Variants in LMNB1 observed in about 807,000 individuals in gnomAD.
LMNB1 encodes lamin-B1.
In LMNB1, 23 loss-of-function variants were observed where a neutral mutation model predicts 67.1. That is an observed-to-expected ratio of 0.34 (90% CI 0.25 to 0.49). The LOEUF (loss-of-function observed/expected upper bound fraction) is 0.49, where lower values mean the gene tolerates loss of function less well. LMNB1 is among the 20% of genes least tolerant of loss of function. The probability of loss-of-function intolerance (pLI) is 0.99; values close to 1 mark genes in which losing one functional copy is unlikely to be tolerated. For synonymous variants in LMNB1, 281 were observed against 282.9 expected, an observed-to-expected ratio of 0.99 and a Z score of 0.07; for missense variants, 634 against 746.5, an observed-to-expected ratio of 0.85 and a Z score of 1.76.
intron 1 of LMNB1, among the ~76,000 whole-genome samples, chr5:126,803,996 CAG>C (rs149233381): frequency 0.018 from 2,732 of 152,154 alleles, 90 homozygotes; most frequent in African/African-American, 0.063. Flanking sequence ...TTACTAATAT[CAG>C]GGGAGTTTCA....
At chr5:126,825,801 A>T (rs941156901) in intron 8 of LMNB1, among the ~76,000 whole-genome samples, 187 bp from the exon 9 acceptor site, 19 of 152,054 alleles carry the variant, frequency 1.2e-4, no homozygotes, top group African/African-American at 4.3e-4. Flanking sequence ...CACTTATCAG[A>T]TGGGGAAGCT....
In LMNB1 at chr5:126,822,893, A is replaced by C; in HGVS notation, c.1491+8A>C. ...GCAGGCCAGACTGTTACAGTAAGTGAATCTAGTCATCATTTAATTTAACTT... is the reference window on the plus strand; with the variant it reads ...GCAGGCCAGACTGTTACAGTAAGTGCATCTAGTCATCATTTAATTTAACTT... On this transcript the variant is annotated splice_region_variant and intron_variant, in intron 8 of 10. Coordinates refer to ENST00000261366, the MANE Select transcript of LMNB1 (RefSeq NM_005573.4). 1 of 1,495,598 alleles carries C rather than the reference A, an allele frequency of 6.7e-7. No homozygotes were observed. The highest frequency in any genetic ancestry group is 9.3e-7 in the Non-Finnish European group (1 of 1,074,302). 92.6% of individuals were successfully genotyped at this position (1,495,598 alleles called of 1,614,324 possible).
At chr5:126,787,441 G>GTATATGTTATATATAACATATACTT (rs1750818472) in intron 1 of LMNB1, among the ~76,000 whole-genome samples, 2 of 144,356 alleles carry the variant, frequency 1.4e-5, no homozygotes, top group Non-Finnish European at 3.0e-5. Context: ...CATCTTATAT[G>GTATATGTTATATATAACATATACTT]TATATGTTAT....
At position 126,781,365 on chromosome 5, in the gene LMNB1, T is replaced by C. The variant is rs970035697; in HGVS notation, c.359+3498T>C. On this transcript the variant is annotated intron_variant, in intron 1 of 10. Transcript: ENST00000261366. ...GGCAGGAGGTAAACTTTCTGAGTCCTGTATGTCTGAAAATAGCTTTGGGCT... is the reference window on the plus strand; with the variant it reads ...GGCAGGAGGTAAACTTTCTGAGTCCCGTATGTCTGAAAATAGCTTTGGGCT... 2.6e-5 allele frequency among the ~76,000 whole-genome samples: 4 copies of C among 152,222 alleles called. No individual in the cohort carries two copies. The South Asian group carries it at 8.3e-4, about 31-fold the overall frequency.
chr5:126,820,759 C>T (rs879771609), intron 6 of LMNB1, 151 bp from the exon 7 acceptor site: 1 of 616,924 alleles, frequency 1.6e-6, no homozygotes, highest in Admixed American at 2.9e-5. Flanking sequence ...CTCCTGACCT[C>T]AAGCAATCCA....
chr5:126,803,241 G>T (rs574759018), intron 1 of LMNB1, among the ~76,000 whole-genome samples: 1 of 151,498 alleles, frequency 6.6e-6, no homozygotes, highest in East Asian at 2.0e-4. Context: ...ACCTCAGCTT[G>T]TTTTTTGTTT....
chr5:126,819,578 C>G (rs1308243201), intron 6 of LMNB1, among the ~76,000 whole-genome samples: 1 of 151,826 alleles, frequency 6.6e-6, no homozygotes, highest in Non-Finnish European at 1.5e-5. Flanking sequence ...GCAACCTTCA[C>G]CTCCTGGTTT....
chr5:126,810,041 T>G, intron 3 of LMNB1, 139 bp from the exon 4 acceptor site: 2 of 626,748 alleles, frequency 3.2e-6, no homozygotes, highest in Admixed American at 3.0e-5. Context: ...GGCAAAAAAG[T>G]GTTTATTCAC....
intron 9 of LMNB1, among the ~76,000 whole-genome samples, 175 bp downstream of exon 9, chr5:126,826,282 A>T (rs566990555): frequency 6.6e-6 from 1 of 152,374 alleles, no homozygotes; most frequent in South Asian, 2.1e-4. Flanking sequence ...GGAGTGTATT[A>T]TAGAGTACTG....
At chr5:126,784,919 C>T (rs1452699921) in intron 1 of LMNB1, among the ~76,000 whole-genome samples, 4 of 152,048 alleles carry the variant, frequency 2.6e-5, no homozygotes, top group Non-Finnish European at 5.9e-5. Flanking sequence ...GCCTCAGCCT[C>T]CCAAAGTGCT....
At chr5:126,830,377 C>A (rs1327811319) in intron 9 of LMNB1, among the ~76,000 whole-genome samples, 2 of 152,210 alleles carry the variant, frequency 1.3e-5, no homozygotes, top group African/African-American at 2.4e-5. Context: ...GGGGTAAACA[C>A]ATTTATTTAG....
chr5:126,828,667 C>T (rs1018718105), intron 9 of LMNB1, among the ~76,000 whole-genome samples: 2 of 151,808 alleles, frequency 1.3e-5, no homozygotes, highest in African/African-American at 2.4e-5. Flanking sequence ...CTGCAACCTC[C>T]GCCTCCTGCC....
chr5:126,820,833 T>A, intron 6 of LMNB1, 77 bp from the exon 7 acceptor site: 1 of 1,117,882 alleles, frequency 8.9e-7, no homozygotes, highest in South Asian at 1.4e-5. Context: ...CAGCCCTTGT[T>A]TTTTTGTTTT....
intron 1 of LMNB1, among the ~76,000 whole-genome samples, chr5:126,792,959 AAT>A (rs1388051051): frequency 7.2e-5 from 11 of 152,198 alleles, no homozygotes; most frequent in African/African-American, 2.4e-4. Flanking sequence ...GAGGAGCAAT[AAT>A]GATGCTTAGA....
At chr5:126,789,975 A>G (rs571158841) in intron 1 of LMNB1, among the ~76,000 whole-genome samples, 1 of 150,712 alleles carries the variant, frequency 6.6e-6, no homozygotes, top group East Asian at 2.0e-4. Flanking sequence ...GCCCGGCCTA[A>G]TTTTACATTT....
At chr5:126,787,537 TATATATA>T (rs1561735731) in intron 1 of LMNB1, among the ~76,000 whole-genome samples, 11 of 72,342 alleles carry the variant, frequency 1.5e-4, no homozygotes, top group South Asian at 9.4e-4. Context: ...TATATATATA[TATATATA>T]TATTTTTTTT....
intron 1 of LMNB1, among the ~76,000 whole-genome samples, chr5:126,795,420 G>C (rs946075917): frequency 1.3e-5 from 2 of 152,116 alleles, no homozygotes; most frequent in Non-Finnish European, 2.9e-5. Flanking sequence ...TTACAGGCAT[G>C]AACCACCGGG....
chr5:126,833,681 A>G lies in LMNB1; in HGVS notation c.1719+880A>G, dbSNP rs542711811. Among the ~76,000 whole-genome samples, 13 of 152,352 alleles carry G rather than the reference A, an allele frequency of 8.5e-5. No individual in the cohort carries two copies. The South Asian group carries it at 1.2e-3, about 15-fold the overall frequency. ...CACAAGTTCCATTTTCTGTGCTTCA[A>G]TGGGAACCATCGTAATTACTAGAAG... On this transcript the variant is annotated intron_variant, in intron 10 of 10. Coordinates refer to ENST00000261366, the MANE Select transcript of LMNB1 (RefSeq NM_005573.4).
chr5:126,804,225 A>G (rs1362146505), intron 1 of LMNB1, among the ~76,000 whole-genome samples: 2 of 144,104 alleles, frequency 1.4e-5, no homozygotes, highest in Non-Finnish European at 3.0e-5. Context: ...AATGTGTGCC[A>G]CTGTGCCAGG....
Sources: allele counts gnomAD v4.1 joint callset (sites outside exome capture counted in the v4.1 genomes callset), GRCh38; gene constraint gnomAD v4.1.1; transcripts MANE v1.5; gene names NCBI Gene and HGNC (gene_info 2026-07-23, HGNC 2026-07-21).